The following GULP1 variants were observed in gnomAD, a reference collection of about 807,000 sequenced individuals.
The protein encoded by GULP1 is GULP PTB domain containing engulfment adaptor 1, also known as PTB domain-containing engulfment adapter protein 1.
A neutral mutation model predicts 40.9 loss-of-function variants in GULP1; 19 were observed. That is an observed-to-expected ratio of 0.46 (90% CI 0.32 to 0.68). The LOEUF (loss-of-function observed/expected upper bound fraction) is 0.68, where lower values mean the gene tolerates loss of function less well. Ranked by LOEUF, GULP1 falls within the 30% of genes least tolerant of loss-of-function variation. The probability of loss-of-function intolerance (pLI) is 0.03; values close to 1 mark genes in which losing one functional copy is unlikely to be tolerated. For missense variants in GULP1, 312 were observed against 362.2 expected, an observed-to-expected ratio of 0.86 and a Z score of 1.12; for synonymous variants, 119 against 117.6, an observed-to-expected ratio of 1.01 and a Z score of -0.08.
chr2:188,366,241 G>A (rs2046765870), intron 1 of GULP1, among the ~76,000 whole-genome samples: 1 of 151,936 alleles, frequency 6.6e-6, no homozygotes, highest in African/African-American at 2.4e-5. Flanking sequence ...ACAAAACAAA[G>A]CAAAGCCCCC....
chr2:188,448,877 T>C (rs1272663945), intron 2 of GULP1, among the ~76,000 whole-genome samples: 3 of 152,156 alleles, frequency 2.0e-5, no homozygotes, highest in African/African-American at 7.2e-5. Flanking sequence ...TTTTTCCTCC[T>C]TCTCTGGCCA....
intron 7 of GULP1, among the ~76,000 whole-genome samples, chr2:188,558,449 A>G (rs1695398881): frequency 1.3e-5 from 2 of 152,190 alleles, no homozygotes; most frequent in South Asian, 4.1e-4. Context: ...TGTAAGTCCA[A>G]TTAAACCTCT....
At chr2:188,439,466 C>G (rs763330137) in intron 2 of GULP1, among the ~76,000 whole-genome samples, 1 of 152,096 alleles carries the variant, frequency 6.6e-6, no homozygotes, top group Non-Finnish European at 1.5e-5. Context: ...ACCTGAATAT[C>G]TATTGTTTGG....
intron 4 of GULP1, among the ~76,000 whole-genome samples, chr2:188,511,737 C>T (rs533039668): frequency 1.4e-4 from 22 of 152,154 alleles, no homozygotes; most frequent in African/African-American, 4.8e-4. Context: ...CCATGTAAAA[C>T]ATGAACAAAT....
At chr2:188,434,391 A>G (rs930384027) in intron 2 of GULP1, among the ~76,000 whole-genome samples, 1 of 151,004 alleles carries the variant, frequency 6.6e-6, no homozygotes, top group Non-Finnish European at 1.5e-5. Flanking sequence ...CTTGGTTATT[A>G]TGGTGACTTT....
chr2:188,330,589 G>A (rs1013838495), intron 1 of GULP1, among the ~76,000 whole-genome samples: 3 of 152,046 alleles, frequency 2.0e-5, no homozygotes, highest in Non-Finnish European at 4.4e-5. Flanking sequence ...TTAAACACTT[G>A]GGCATTCTGT....
At chr2:188,487,366 A>G (rs2061952746) in intron 4 of GULP1, among the ~76,000 whole-genome samples, 1 of 152,080 alleles carries the variant, frequency 6.6e-6, no homozygotes, top group African/African-American at 2.4e-5. Flanking sequence ...GAAGTTATAA[A>G]GAGATTACTA....
At chr2:188,350,551 T>C (rs1462932594) in intron 1 of GULP1, among the ~76,000 whole-genome samples, 1 of 152,046 alleles carries the variant, frequency 6.6e-6, no homozygotes, top group Non-Finnish European at 1.5e-5. Flanking sequence ...AACTCGTTTA[T>C]TAGTTGTCAT....
At chr2:188,310,591 G>A (rs1398175082) in intron 1 of GULP1, among the ~76,000 whole-genome samples, 1 of 152,124 alleles carries the variant, frequency 6.6e-6, no homozygotes. Flanking sequence ...TTGAGTTTGA[G>A]GTGTTTTGGG....
At chr2:188,590,778 TAATAC>T (rs1234352380) in intron 11 of GULP1, 6 of 152,166 alleles carry the variant, frequency 3.9e-5, no homozygotes, top group Admixed American at 3.9e-4. Flanking sequence ...TATAATAATT[TAATAC>T]ATTAAAAAAC....
intron 3 of GULP1, among the ~76,000 whole-genome samples, chr2:188,482,598 AT>A (rs1463973399): frequency 6.6e-6 from 1 of 151,742 alleles, no homozygotes; most frequent in East Asian, 1.9e-4. Context: ...AAATGTTAAC[AT>A]TTTTTTCTCC....
rs1686933942 is a variant in GULP1, at chr2:188,529,214, T to C, written c.261+19T>C. ...AACAAAGGTAAGGCTTTTTTTTTAA[T>C]GTTAGAGGCAATCTTTAATTAATTG... On this transcript the variant is annotated intron_variant, in intron 6 of 11. Transcript: ENST00000409830. 2 of 1,100,564 alleles carry C rather than the reference T, an allele frequency of 1.8e-6. No homozygotes were observed. The highest frequency in any genetic ancestry group is 2.4e-5 in the East Asian group (1 of 41,984). 68.2% of individuals were successfully genotyped at this position (1,100,564 alleles called of 1,614,324 possible). A position where few individuals can be genotyped will look rare whatever the true frequency, so the allele number is the denominator to read the frequency against.
intron 9 of GULP1, among the ~76,000 whole-genome samples, chr2:188,575,765 A>G (rs943282360): frequency 6.6e-6 from 1 of 152,112 alleles, no homozygotes; most frequent in Non-Finnish European, 1.5e-5. Context: ...ATTTTTTTTT[A>G]ATGCAATGAT....
intron 4 of GULP1, among the ~76,000 whole-genome samples, chr2:188,491,849 G>C (rs771355496): frequency 6.6e-6 from 1 of 151,924 alleles, no homozygotes; most frequent in African/African-American, 2.4e-5. Context: ...GTAGTATTTT[G>C]AACTACAGGA....
At chr2:188,372,457 A>G (rs1456755266) in intron 1 of GULP1, among the ~76,000 whole-genome samples, 1 of 152,064 alleles carries the variant, frequency 6.6e-6, no homozygotes, top group Non-Finnish European at 1.5e-5. Flanking sequence ...GGAAAAAGGA[A>G]ATTTGGTTGT....
chr2:188,501,599 C>T (rs1049090793), intron 4 of GULP1, among the ~76,000 whole-genome samples: 2 of 151,870 alleles, frequency 1.3e-5, no homozygotes, highest in Non-Finnish European at 2.9e-5. Context: ...TATGAGACCT[C>T]TAAGACCTTT....
intron 10 of GULP1, among the ~76,000 whole-genome samples, chr2:188,587,238 A>G (rs1284908475): frequency 6.6e-6 from 1 of 152,126 alleles, no homozygotes; most frequent in African/African-American, 2.4e-5. Context: ...CTTTTTTGAC[A>G]TTGCATTCCT....
intron 1 of GULP1, among the ~76,000 whole-genome samples, chr2:188,298,839 T>G (rs1037399367): frequency 6.6e-6 from 1 of 152,164 alleles, no homozygotes; most frequent in Non-Finnish European, 1.5e-5. Flanking sequence ...TTGTTGGAAG[T>G]AAATGCTCGG....
intron 3 of GULP1, among the ~76,000 whole-genome samples, chr2:188,478,208 T>C (rs1443372737): frequency 2.0e-5 from 3 of 152,090 alleles, no homozygotes; most frequent in African/African-American, 7.2e-5. Flanking sequence ...AGTTTGTTAT[T>C]AATTTTTAGG....
Sources: gnomAD v4.1 joint callset for allele counts (sites outside exome capture counted in the v4.1 genomes callset) on GRCh38, gnomAD v4.1.1 for gene constraint, MANE v1.5 for transcripts, NCBI Gene and HGNC (gene_info 2026-07-23, HGNC 2026-07-21) for gene names.